The following ERC2 variants were observed in gnomAD, a reference collection of about 807,000 sequenced individuals.
The protein encoded by ERC2 is ERC protein 2.
Under a neutral mutation model 114.8 loss-of-function variants are expected in ERC2, and 42 were observed. The observed-to-expected ratio is 0.37, with a 90% confidence interval of 0.29 to 0.47. ERC2 has a LOEUF of 0.47. Ranked by LOEUF, ERC2 falls within the 20% of genes least tolerant of loss-of-function variation. The pLI, the probability that ERC2 is intolerant of heterozygous loss-of-function variation, is 0.99. For missense variants in ERC2, 939 were observed against 1,150.7 expected, an observed-to-expected ratio of 0.82 and a Z score of 2.66; for synonymous variants, 454 against 425.5, an observed-to-expected ratio of 1.07 and a Z score of -0.82.
intron 2 of ERC2, among the ~76,000 whole-genome samples, chr3:56,377,052 C>T (rs1037827801): frequency 6.6e-6 from 1 of 152,152 alleles, no homozygotes; most frequent in Non-Finnish European, 1.5e-5. Context: ...CCTTAACATG[C>T]TTAACTCAAT....
chr3:55,953,351 G>A (rs985747414), intron 12 of ERC2, among the ~76,000 whole-genome samples: 3 of 152,134 alleles, frequency 2.0e-5, no homozygotes, highest in Non-Finnish European at 4.4e-5. Flanking sequence ...GTTTTGAATG[G>A]CACTGCTTAG....
At chr3:56,378,238 G>T (rs972753150) in intron 2 of ERC2, among the ~76,000 whole-genome samples, 1 of 149,684 alleles carries the variant, frequency 6.7e-6, no homozygotes, top group Non-Finnish European at 1.5e-5. Flanking sequence ...ATACTATGCA[G>T]CCATAAAAAA....
chr3:56,385,845 C>G (rs1576700129), intron 2 of ERC2, among the ~76,000 whole-genome samples: 1 of 152,146 alleles, frequency 6.6e-6, no homozygotes, highest in East Asian at 1.9e-4. Context: ...GGCTGGAGAA[C>G]TACCATGAAT....
chr3:55,859,522 A>G (rs533850084), intron 14 of ERC2, among the ~76,000 whole-genome samples: 169 of 152,126 alleles, frequency 1.1e-3, no homozygotes, highest in South Asian at 1.7e-3. Flanking sequence ...CTCCTAATGA[A>G]TAACAAATGG....
At chr3:55,952,179 A>T (rs9815070) in intron 12 of ERC2, among the ~76,000 whole-genome samples, 11,965 of 60,428 alleles carry the variant, frequency 0.2, 628 homozygotes, top group Middle Eastern at 0.29. Context: ...ACACACACAC[A>T]CTCTCTCTCT....
chr3:56,158,733 CA>C (rs796645014), intron 4 of ERC2, among the ~76,000 whole-genome samples: 5 of 145,346 alleles, frequency 3.4e-5, no homozygotes, highest in South Asian at 2.2e-4. Flanking sequence ...TTCAGAAAAA[CA>C]AAAAAAAAAC....
intron 14 of ERC2, among the ~76,000 whole-genome samples, chr3:55,879,199 CATTT>C (rs1445094826): frequency 6.9e-6 from 1 of 145,670 alleles, no homozygotes; most frequent in Non-Finnish European, 1.5e-5. Flanking sequence ...CGTGACAGGG[CATTT>C]ATTTAGTGGA....
rs555112665 is a variant in ERC2, at chr3:55,763,549, C to A, written c.2565-28631G>T. ...TGACCCTGAGCTTCAGTTCTGCCAT[C>A]TTTAAAGGGGGATAGTTACTGATTT... On this transcript the variant is annotated intron_variant, in intron 14 of 17. Coordinates refer to ENST00000288221, the MANE Select transcript of ERC2 (RefSeq NM_015576.3). Among the ~76,000 whole-genome samples the A allele has an allele frequency of 7.9e-5, 12 of 152,276 alleles. No individual in the cohort carries two copies. The East Asian group carries it at 1.7e-3, about 22-fold the overall frequency.
chr3:56,245,510 T>TTGTG (rs34578755), intron 3 of ERC2, among the ~76,000 whole-genome samples: 53 of 149,328 alleles, frequency 3.5e-4, no homozygotes, highest in African/African-American at 1.2e-3. Flanking sequence ...GTGTGGTATG[T>TTGTG]TGTGTGTGTG....
At chr3:55,526,012 T>C (rs371058582) in intron 17 of ERC2, among the ~76,000 whole-genome samples, 213 of 152,300 alleles carry the variant, frequency 1.4e-3, no homozygotes, top group African/African-American at 4.8e-3. Flanking sequence ...TGAATTAGGA[T>C]AGGCCTTAAT....
At chr3:56,210,118 C>A (rs1295703837) in intron 3 of ERC2, among the ~76,000 whole-genome samples, 3 of 152,222 alleles carry the variant, frequency 2.0e-5, no homozygotes, top group African/African-American at 7.2e-5. Flanking sequence ...TTCCTCCTAA[C>A]TGACAATAGT....
At chr3:55,617,203 G>T (rs996578474) in intron 17 of ERC2, among the ~76,000 whole-genome samples, 1 of 152,250 alleles carries the variant, frequency 6.6e-6, no homozygotes, top group African/African-American at 2.4e-5. Context: ...CATGCAAGGG[G>T]CTTGCCCTAG....
Position 55,688,948 on chromosome 3 carries a change from C to T in ERC2, c.2848-5089G>A, listed in dbSNP as rs997574707. 3.3e-5 allele frequency among the ~76,000 whole-genome samples: 5 copies of T among 152,310 alleles called. No individual in the cohort carries two copies. The South Asian group carries it at 1.0e-3, about 32-fold the overall frequency. On this transcript the variant is annotated intron_variant, in intron 16 of 17. Coordinates refer to ENST00000288221, the MANE Select transcript of ERC2 (RefSeq NM_015576.3). ...CAGAATGACTCTTCCCCTCTTCTAT[C>T]GCACGAGCCACATCTCTGGTTTATT...
intron 3 of ERC2, among the ~76,000 whole-genome samples, chr3:56,286,270 G>A (rs920272076): frequency 1.3e-5 from 2 of 151,932 alleles, no homozygotes; most frequent in Middle Eastern, 3.4e-3. Flanking sequence ...AAAATTAGCC[G>A]GAATGTGGTG....
At chr3:56,163,333 T>C (rs769328437) in intron 4 of ERC2, among the ~76,000 whole-genome samples, 24 of 152,222 alleles carry the variant, frequency 1.6e-4, no homozygotes, top group Admixed American at 3.3e-4. Flanking sequence ...GGGAAGAACA[T>C]ATATTCTGTG....
In ERC2 at chr3:56,133,623, C is replaced by A. The variant is rs532942185; in HGVS notation, c.1473+5886G>T. ...TGACCTTGAGCAAGTTATACATCCTCTGAGCTTCTATTTCATCATCTTAAA... is the reference window on the plus strand; with the variant it reads ...TGACCTTGAGCAAGTTATACATCCTATGAGCTTCTATTTCATCATCTTAAA... On this transcript the variant is annotated intron_variant, in intron 6 of 17. Coordinates refer to ENST00000288221, the MANE Select transcript of ERC2 (RefSeq NM_015576.3). 2.0e-5 allele frequency among the ~76,000 whole-genome samples: 3 copies of A among 152,258 alleles called. No individual in the cohort carries two copies. In the East Asian group the frequency reaches 5.8e-4, roughly 29 times the overall value.
intron 1 of ERC2, among the ~76,000 whole-genome samples, chr3:56,442,825 T>C (rs1169565458): frequency 6.6e-6 from 1 of 152,218 alleles, no homozygotes; most frequent in African/African-American, 2.4e-5. Context: ...TCAGCTTAAC[T>C]CCCACTGTTG....
intron 16 of ERC2, among the ~76,000 whole-genome samples, chr3:55,686,048 T>C (rs1237187336): frequency 6.6e-6 from 1 of 152,248 alleles, no homozygotes; most frequent in Non-Finnish European, 1.5e-5. Context: ...AAATTAAATA[T>C]ATTAAAAAGT....
chr3:56,218,325 T>C (rs1241356417), intron 3 of ERC2, among the ~76,000 whole-genome samples: 2 of 151,724 alleles, frequency 1.3e-5, no homozygotes, highest in Non-Finnish European at 2.9e-5. Context: ...AACAAGTGGG[T>C]GAAGGACATG....
Sources: gnomAD v4.1 joint callset for allele counts (sites outside exome capture counted in the v4.1 genomes callset) on GRCh38, gnomAD v4.1.1 for gene constraint, MANE v1.5 for transcripts, NCBI Gene and HGNC (gene_info 2026-07-23, HGNC 2026-07-21) for gene names.